The following RAF1 variants were observed in gnomAD, a reference collection of about 807,000 sequenced individuals.
RAF1 encodes the protein RAF proto-oncogene serine/threonine-protein kinase.
RAF1 carries 27 observed loss-of-function variants against 81.1 expected under a neutral mutation model. That is an observed-to-expected ratio of 0.33 (90% CI 0.25 to 0.46). The LOEUF (loss-of-function observed/expected upper bound fraction) is 0.46. RAF1 is among the 20% of genes least tolerant of loss of function. The pLI is 1.00. For synonymous variants in RAF1, 298 were observed against 294.0 expected, an observed-to-expected ratio of 1.01 and a Z score of -0.14; for missense variants, 598 against 826.0, an observed-to-expected ratio of 0.72 and a Z score of 3.38.
intron 1 of RAF1, among the ~76,000 whole-genome samples, chr3:12,658,212 C>A (rs985010754): frequency 1.3e-5 from 2 of 152,164 alleles, no homozygotes; most frequent in Non-Finnish European, 2.9e-5. Flanking sequence ...TTTTCCTGTA[C>A]ATACATACCC....
intron 1 of RAF1, among the ~76,000 whole-genome samples, chr3:12,659,570 C>CAATAAAAGACCT (rs71063860): frequency 0.36 from 53,853 of 151,446 alleles, 10,052 homozygotes; most frequent in African/African-American, 0.44. Flanking sequence ...ATACACATAC[C>CAATAAAAGACCT]AAACAACCTC....
At chr3:12,630,274 C>G (rs540093837) in intron 1 of RAF1, among the ~76,000 whole-genome samples, 2 of 152,236 alleles carry the variant, frequency 1.3e-5, no homozygotes, top group African/African-American at 4.8e-5. Context: ...GGCCTTTCAC[C>G]AAATTGCTTA....
rs558496779 is a variant in RAF1, at chr3:12,657,892, A to C, written c.-27+5921T>G. Among the ~76,000 whole-genome samples, 471 of 145,562 alleles carry C rather than the reference A, an allele frequency of 3.2e-3. 2 individuals are homozygous for C. The highest frequency in any genetic ancestry group is 0.015 in the Middle Eastern group (4 of 268). On this transcript the variant is annotated intron_variant, in intron 1 of 17. Transcript: ENST00000442415. ...CAAAACAAAACAAAACAAAACAAAAAAAAACCCTATCACAGTCACTGACCA... is the reference window on the plus strand; with the variant it reads ...CAAAACAAAACAAAACAAAACAAAACAAAACCCTATCACAGTCACTGACCA...
At chr3:12,635,244 G>A (rs1441057705) in intron 1 of RAF1, among the ~76,000 whole-genome samples, 1 of 144,732 alleles carries the variant, frequency 6.9e-6, no homozygotes, top group Non-Finnish European at 1.5e-5. Flanking sequence ...GCTTGAAACC[G>A]GGAGGCGGAG....
At chr3:12,606,739 T>C (rs1963609) in intron 5 of RAF1, among the ~76,000 whole-genome samples, 18,624 of 152,058 alleles carry the variant, frequency 0.12, 1,372 homozygotes, top group Admixed American at 0.2. Flanking sequence ...AGTTTTAGGG[T>C]ACATGTGCAC....
At chr3:12,628,109 G>T (rs182970275) in intron 1 of RAF1, among the ~76,000 whole-genome samples, 1 of 152,202 alleles carries the variant, frequency 6.6e-6, no homozygotes, top group Non-Finnish European at 1.5e-5. Context: ...GTGAAACTCC[G>T]TCTCAAAAAT....
At chr3:12,594,096 T>C (rs182564352) in intron 11 of RAF1, among the ~76,000 whole-genome samples, 4 of 152,232 alleles carry the variant, frequency 2.6e-5, no homozygotes, top group Admixed American at 2.0e-4. Context: ...GGGTAGGATT[T>C]GGACACCTGT....
At position 12,598,725 on chromosome 3, in the gene RAF1, CAAAAAAAAA is replaced by C. The variant is rs59472802; in HGVS notation, c.1168+957_1168+965del. On this transcript the variant is annotated intron_variant, in intron 11 of 17. Transcript: ENST00000442415. ...TGGGCAACAGAGCAAGAATCTATCTCAAAAAAAAAAAAAAAAAAAAAAAAAAAACCACCA... is the reference window on the plus strand; with the variant it reads ...TGGGCAACAGAGCAAGAATCTATCTCAAAAAAAAAAAAAAAAAAACCACCA... Among the ~76,000 whole-genome samples, 36 of 61,980 alleles carry C rather than the reference CAAAAAAAAA, an allele frequency of 5.8e-4. 1 individual carries two copies. In the East Asian group the frequency reaches 0.014, roughly 25 times the overall value. The allele number at this position is 61,980 out of a possible 152,430, so 40.7% of individuals were successfully genotyped here. A position where few individuals can be genotyped will look rare whatever the true frequency, so the allele number is the denominator to read the frequency against.
chr3:12,597,089 G>A (rs941071727), intron 11 of RAF1, among the ~76,000 whole-genome samples: 1 of 151,928 alleles, frequency 6.6e-6, no homozygotes, highest in Non-Finnish European at 1.5e-5. Context: ...TAGTAGAGAC[G>A]GGGTTTCACC....
chr3:12,588,281 T>A (rs865829798), intron 13 of RAF1: 2 of 152,298 alleles, frequency 1.3e-5, no homozygotes, highest in South Asian at 4.1e-4. Context: ...CTATGCTAGG[T>A]CTAAGAGCCC....
intron 2 of RAF1, among the ~76,000 whole-genome samples, chr3:12,617,551 C>A (rs1419999478): frequency 6.6e-6 from 1 of 152,066 alleles, no homozygotes; most frequent in African/African-American, 2.4e-5. Context: ...CCACACCCAG[C>A]CAGAAAACTT....
intron 13 of RAF1, chr3:12,587,854 T>TTTTTTTTTTG (rs1553610554): frequency 9.2e-6 from 4 of 432,526 alleles, no homozygotes; most frequent in African/African-American, 4.3e-5. Context: ...TTTTTTTTTT[T>TTTTTTTTTTG]GGAGACTGGA....
At chr3:12,648,619 C>T (rs1043607840) in intron 1 of RAF1, among the ~76,000 whole-genome samples, 1 of 152,116 alleles carries the variant, frequency 6.6e-6, no homozygotes, top group Non-Finnish European at 1.5e-5. Context: ...TGTGGTGGTG[C>T]ACACCTGTAT....
intron 16 of RAF1, 42 bp from the exon 16 acceptor site, chr3:12,585,023 A>G (rs1159634104): frequency 5.0e-6 from 8 of 1,614,022 alleles, no homozygotes; most frequent in South Asian, 1.1e-5. Context: ...GGGTGAATGA[A>G]CAACAGATAA....
chr3:12,638,417 T>G (rs750457104), intron 1 of RAF1, among the ~76,000 whole-genome samples: 3 of 152,192 alleles, frequency 2.0e-5, no homozygotes, highest in Non-Finnish European at 4.4e-5. Flanking sequence ...GGCAGTCAGC[T>G]AAGGAGCAGC....
At chr3:12,608,980 A>G in intron 4 of RAF1, 57 bp from the exon 5 acceptor site, 1 of 1,601,190 alleles carries the variant, frequency 6.2e-7, no homozygotes, top group East Asian at 2.2e-5. Context: ...GACAAAAGAC[A>G]ACTTCATTTC....
intron 1 of RAF1, among the ~76,000 whole-genome samples, chr3:12,622,235 G>A (rs2059577127): frequency 1.3e-5 from 2 of 152,118 alleles, no homozygotes; most frequent in African/African-American, 4.8e-5. Context: ...CCAGATAAGA[G>A]AGAAATAGAT....
intron 1 of RAF1, among the ~76,000 whole-genome samples, chr3:12,658,632 T>C (rs914730995): frequency 3.9e-5 from 6 of 151,954 alleles, no homozygotes; most frequent in Non-Finnish European, 7.4e-5. Flanking sequence ...ACAAACAAAA[T>C]TGACTGCCAC....
At chr3:12,654,282 C>T (rs1302925777) in intron 1 of RAF1, among the ~76,000 whole-genome samples, 1 of 151,840 alleles carries the variant, frequency 6.6e-6, no homozygotes, top group Non-Finnish European at 1.5e-5. Flanking sequence ...GCCACAGAGG[C>T]TGGCCCTAAA....
Sources: gnomAD v4.1 joint callset for allele counts (sites outside exome capture counted in the v4.1 genomes callset) on GRCh38, gnomAD v4.1.1 for gene constraint, MANE v1.5 for transcripts, NCBI Gene and HGNC (gene_info 2026-07-23, HGNC 2026-07-21) for gene names.